Variants in CNTNAP5 observed in about 807,000 individuals in gnomAD.
The protein encoded by CNTNAP5 is contactin associated protein family member 5, also known as contactin-associated protein-like 5.
CNTNAP5 carries 72 observed loss-of-function variants against 150.2 expected under a neutral mutation model. The observed-to-expected ratio is 0.48, with a 90% CI of 0.40 to 0.58. The LOEUF (loss-of-function observed/expected upper bound fraction) is 0.58. Ranked by LOEUF, CNTNAP5 falls within the 20% of genes least tolerant of loss-of-function variation. The probability of loss-of-function intolerance (pLI) is 0.00; values close to 1 mark genes in which losing one functional copy is unlikely to be tolerated. For synonymous variants in CNTNAP5, 672 were observed against 619.8 expected (o/e 1.08, Z -1.25); for missense variants, 1,636 against 1,626.2 (o/e 1.01, Z -0.10).
intron 11 of CNTNAP5, among the ~76,000 whole-genome samples, chr2:124,580,386 A>G (rs1696384050): frequency 6.6e-6 from 1 of 152,246 alleles, no homozygotes; most frequent in Non-Finnish European, 1.5e-5. Flanking sequence ...AAGGTGGTCA[A>G]CTGTTCAAAC....
intron 3 of CNTNAP5, among the ~76,000 whole-genome samples, chr2:124,377,668 T>A (rs1168058708): frequency 7.5e-6 from 1 of 134,166 alleles, no homozygotes; most frequent in Non-Finnish European, 1.6e-5. Flanking sequence ...AGAGCAAAAC[T>A]CCATCTCAAA....
intron 1 of CNTNAP5, among the ~76,000 whole-genome samples, chr2:124,175,111 G>A (rs979631796): frequency 1.3e-5 from 2 of 152,150 alleles, no homozygotes. Flanking sequence ...ACCAAAAAAT[G>A]TGTATGATTA....
At chr2:124,385,461 A>G (rs1399125125) in intron 3 of CNTNAP5, among the ~76,000 whole-genome samples, 1 of 152,186 alleles carries the variant, frequency 6.6e-6, no homozygotes, top group Non-Finnish European at 1.5e-5. Context: ...CAATTGTGCA[A>G]TATAAGAATT....
At chr2:124,757,209 T>G (rs566395586) in intron 14 of CNTNAP5, among the ~76,000 whole-genome samples, 2 of 152,316 alleles carry the variant, frequency 1.3e-5, no homozygotes, top group South Asian at 4.1e-4. Flanking sequence ...GAAGAGCTCA[T>G]GGACTCCCAG....
At chr2:124,527,593 A>C in intron 10 of CNTNAP5, 137 bp downstream of exon 10, 1 of 614,556 alleles carries the variant, frequency 1.6e-6, no homozygotes, top group Non-Finnish European at 2.6e-6. Context: ...AATGGAAAAT[A>C]TTTCTGAAAG....
At chr2:124,742,660 A>T (rs1680522488) in intron 13 of CNTNAP5, among the ~76,000 whole-genome samples, 1 of 152,196 alleles carries the variant, frequency 6.6e-6, no homozygotes, top group Non-Finnish European at 1.5e-5. Context: ...ACATATATAT[A>T]TATATGTAAT....
intron 1 of CNTNAP5, among the ~76,000 whole-genome samples, chr2:124,039,083 G>A (rs1573709634): frequency 6.6e-6 from 1 of 152,194 alleles, no homozygotes; most frequent in Non-Finnish European, 1.5e-5. Context: ...ATGAGTGTCA[G>A]GGCAAGACAA....
At chr2:124,811,993 A>T (rs1185238916) in intron 19 of CNTNAP5, among the ~76,000 whole-genome samples, 2 of 82,934 alleles carry the variant, frequency 2.4e-5, no homozygotes, top group African/African-American at 8.3e-5. Flanking sequence ...ATTTATATTT[A>T]TATATTATAT....
At chr2:124,194,397 ATATATATATATATAAATAT>A (rs1558795481) in intron 1 of CNTNAP5, among the ~76,000 whole-genome samples, 8,315 of 49,576 alleles carry the variant, frequency 0.17, 334 homozygotes, top group East Asian at 0.19. Flanking sequence ...ATATATATAT[ATATATATATATATAAATAT>A]AAATAGGTGT....
chr2:124,839,187 C>T (rs1269181235), intron 19 of CNTNAP5, among the ~76,000 whole-genome samples: 2 of 151,808 alleles, frequency 1.3e-5, no homozygotes, highest in Non-Finnish European at 2.9e-5. Flanking sequence ...CAGAGGTTCT[C>T]CTATGAGGGA....
At chr2:124,375,679 T>A (rs1690629450) in intron 3 of CNTNAP5, among the ~76,000 whole-genome samples, 1 of 152,080 alleles carries the variant, frequency 6.6e-6, no homozygotes, top group East Asian at 1.9e-4. Context: ...TGGGGGACTG[T>A]GCTATGATGA....
chr2:124,826,693 C>A (rs1682599966), intron 19 of CNTNAP5, among the ~76,000 whole-genome samples: 1 of 152,060 alleles, frequency 6.6e-6, no homozygotes. Context: ...GGGGTAGGGC[C>A]CACCTTTCAG....
At position 124,789,904 on chromosome 2, in the gene CNTNAP5, G is replaced by A. The variant is rs531381671; in HGVS notation, c.2755G>A (p.Gly919Arg). ...TTTCCTTTTATTTAACCTCTTAGGG[G>A]GAACGTCATCCAGACAGAAAGGCTT... ...LQLNSQLFVG[G>R]TSSRQKGFLG... Residue 919 changes from glycine to arginine, a missense_variant and splice_region_variant, in exon 18 of 24, where the codon GGA becomes AGA. Coordinates refer to ENST00000682447, the MANE Select transcript of CNTNAP5 (RefSeq NM_001367498.1). The A allele has an allele frequency of 1.2e-6, 2 of 1,612,962 alleles. No individual in the cohort carries two copies. The highest frequency in any genetic ancestry group is 1.7e-5 in the Admixed American group (1 of 59,954).
chr2:124,118,684 A>G (rs987037463), intron 1 of CNTNAP5, among the ~76,000 whole-genome samples: 1 of 152,200 alleles, frequency 6.6e-6, no homozygotes, highest in Non-Finnish European at 1.5e-5. Flanking sequence ...GAGAGCTGCT[A>G]TGTGACAGAG....
intron 1 of CNTNAP5, among the ~76,000 whole-genome samples, chr2:124,058,701 A>T (rs1681922659): frequency 6.6e-6 from 1 of 152,200 alleles, no homozygotes; most frequent in Non-Finnish European, 1.5e-5. Flanking sequence ...TTAGGTGCTC[A>T]AATTTTATTT....
intron 21 of CNTNAP5, among the ~76,000 whole-genome samples, chr2:124,893,889 T>A (rs1377993369): frequency 6.6e-6 from 1 of 152,080 alleles, no homozygotes; most frequent in Non-Finnish European, 1.5e-5. Flanking sequence ...ACTTTTAAAT[T>A]GTAAAAAGTG....
In CNTNAP5 at chr2:124,530,796, G is replaced by T. The variant is rs1035929937; in HGVS notation, c.1649+3340G>T. On this transcript the variant is annotated intron_variant, in intron 10 of 23. Transcript: ENST00000682447. ...AACCTCTAGGACACAGTGTGCAGCT[G>T]CTGCCCCTCTTCTGCAGGCCAAACC... Among the ~76,000 whole-genome samples the T allele has an allele frequency of 7.0e-4, 106 of 152,042 alleles. 2 individuals carry two copies. The highest frequency in any genetic ancestry group is 1.5e-4 in the Non-Finnish European group (10 of 68,032).
chr2:124,413,316 A>C (rs1312442909), intron 3 of CNTNAP5, among the ~76,000 whole-genome samples: 1 of 151,606 alleles, frequency 6.6e-6, no homozygotes. Flanking sequence ...TGTGGAAGTC[A>C]TTGTGGCGAT....
At chr2:124,409,683 AT>A (rs1418846183) in intron 3 of CNTNAP5, among the ~76,000 whole-genome samples, 1 of 141,436 alleles carries the variant, frequency 7.1e-6, no homozygotes, top group Middle Eastern at 3.7e-3. Context: ...ATGCTGAGAG[AT>A]TTTGTCACCA....
Sources: gnomAD v4.1 joint callset for allele counts (sites outside exome capture counted in the v4.1 genomes callset) on GRCh38, gnomAD v4.1.1 for gene constraint, MANE v1.5 for transcripts, NCBI Gene and HGNC (gene_info 2026-07-23, HGNC 2026-07-21) for gene names.